NLGN4X: variants seen among roughly 807,000 people sequenced by gnomAD.
NLGN4X encodes the protein neuroligin 4 X-linked.
Under a neutral mutation model 40.3 loss-of-function variants are expected in NLGN4X, and 3 were observed. The observed-to-expected ratio is 0.07, with a 90% CI of 0.03 to 0.19. NLGN4X has a LOEUF of 0.19. Ranked by LOEUF, NLGN4X falls within the 10% of genes least tolerant of loss-of-function variation. The pLI, the probability that NLGN4X is intolerant of heterozygous loss-of-function variation, is 1.00. For synonymous variants in NLGN4X, 270 were observed against 306.8 expected (o/e 0.88, Z 1.25); for missense variants, 382 against 708.3 (o/e 0.54, Z 5.23).
rs559550611 is a variant in NLGN4X at position 6,111,902 on chromosome X, A to T, written c.472+39093T>A. ...CTCTTAAAGATGAAATATTGTAAAA[A>T]TTTTTTAAATATTCAGGGTAGCAAA... is the stretch of plus-strand genomic sequence containing the variant. On this transcript the variant is annotated intron_variant, in intron 2 of 5. Transcript: ENST00000381095. Among the ~76,000 whole-genome samples the T allele has an allele frequency of 8.0e-5, 9 of 111,997 alleles. 1 individual carries two copies. The East Asian group carries it at 2.5e-3, about 31-fold the overall frequency.
chrX:5,997,593 T>C (rs6639563), intron 3 of NLGN4X, among the ~76,000 whole-genome samples: 2 of 49,784 alleles, frequency 4.0e-5, no homozygotes, highest in Non-Finnish European at 7.1e-5. Flanking sequence ...TGTGTATATA[T>C]ATATACACAT....
At chrX:6,047,890 G>A (rs1279359955) in intron 2 of NLGN4X, among the ~76,000 whole-genome samples, 3 of 111,711 alleles carry the variant, frequency 2.7e-5, no homozygotes, top group East Asian at 2.8e-4. Context: ...TGACTTGGAT[G>A]TAGGCCTCTT....
chrX:6,093,963 T>C (rs2038699737), intron 2 of NLGN4X, among the ~76,000 whole-genome samples: 1 of 111,982 alleles, frequency 8.9e-6, no homozygotes, highest in Non-Finnish European at 1.9e-5. Context: ...AGAAACCTAT[T>C]TTCAATTTTA....
chrX:6,169,313 T>C (rs1158676977), intron 1 of NLGN4X, among the ~76,000 whole-genome samples: 1 of 112,892 alleles, frequency 8.9e-6, no homozygotes, highest in Non-Finnish European at 1.9e-5. Flanking sequence ...CACAAAGAAC[T>C]ACACCCTGAG....
intron 3 of NLGN4X, among the ~76,000 whole-genome samples, chrX:5,970,982 T>C (rs2035005788): frequency 9.0e-6 from 1 of 111,727 alleles, no homozygotes; most frequent in South Asian, 3.8e-4. Context: ...TCGGTATAGA[T>C]ACTGTTTAAA....
At chrX:5,979,793 T>C (rs755507381) in intron 3 of NLGN4X, among the ~76,000 whole-genome samples, 1 of 101,395 alleles carries the variant, frequency 9.9e-6, no homozygotes, top group Non-Finnish European at 1.9e-5. Flanking sequence ...TGTGTATATA[T>C]ACACACATAC....
intron 1 of NLGN4X, among the ~76,000 whole-genome samples, chrX:6,184,879 T>C (rs1421795277): frequency 8.9e-6 from 1 of 112,297 alleles, no homozygotes; most frequent in African/African-American, 3.2e-5. Flanking sequence ...GAATGGCGCC[T>C]TCTGAGAGTT....
intron 3 of NLGN4X, among the ~76,000 whole-genome samples, chrX:5,925,414 A>G (rs757039896): frequency 9.0e-6 from 1 of 111,659 alleles, no homozygotes; most frequent in African/African-American, 3.2e-5. Flanking sequence ...TTAATTCCTT[A>G]TGGAAATCAA....
At chrX:5,905,487 A>G (rs1447297688) in intron 4 of NLGN4X, among the ~76,000 whole-genome samples, 1 of 111,920 alleles carries the variant, frequency 8.9e-6, no homozygotes, top group African/African-American at 3.2e-5. Context: ...TAAATTCTTA[A>G]ATTATTATTG....
intron 2 of NLGN4X, among the ~76,000 whole-genome samples, chrX:6,035,765 G>A (rs1226723639): frequency 4.5e-5 from 5 of 111,411 alleles, no homozygotes; most frequent in Non-Finnish European, 9.4e-5. Context: ...GTCCTCCTCA[G>A]CCTATTCAAC....
At chrX:6,108,798 C>T (rs767304187) in intron 2 of NLGN4X, among the ~76,000 whole-genome samples, 11 of 110,848 alleles carry the variant, frequency 9.9e-5, no homozygotes, top group African/African-American at 3.3e-4. Flanking sequence ...TCAATCCCTG[C>T]TCATCTCTCA....
chrX:6,054,007 G>A (rs765404149), intron 2 of NLGN4X, among the ~76,000 whole-genome samples: 2 of 112,115 alleles, frequency 1.8e-5, no homozygotes, highest in South Asian at 3.7e-4. Context: ...CTACAATCAC[G>A]AAAGCACAGC....
intron 2 of NLGN4X, among the ~76,000 whole-genome samples, chrX:6,051,036 T>C (rs2037479564): frequency 9.0e-6 from 1 of 111,515 alleles, no homozygotes; most frequent in Non-Finnish European, 1.9e-5. Flanking sequence ...GGGCAAAGCT[T>C]GACGGGGTGT....
intron 5 of NLGN4X, among the ~76,000 whole-genome samples, chrX:5,897,561 C>G (rs2031569922): frequency 1.8e-5 from 2 of 111,896 alleles, no homozygotes; most frequent in South Asian, 3.7e-4. Flanking sequence ...GTCCTCTGAC[C>G]TGGACTAACA....
rs1356905320 is a variant in NLGN4X at position 5,963,772 on chromosome X, G to GTTC, written c.626-54536_626-54534dup. Among the ~76,000 whole-genome samples the GTTC allele has an allele frequency of 3.6e-5, 4 of 112,176 alleles. No homozygotes were observed. In the Admixed American group the frequency reaches 3.8e-4, roughly 11 times the overall value. On this transcript the variant is annotated intron_variant, in intron 3 of 5. Coordinates refer to ENST00000381095, the MANE Select transcript of NLGN4X (RefSeq NM_181332.3). Reference sequence around the variant, plus strand: ...CCAGAACATTCAACTTTGCAGAGATGTTCTCTTCACTAATTTTTAACTATT... The same window carrying GTTC: ...CCAGAACATTCAACTTTGCAGAGATGTTCTTCTCTTCACTAATTTTTAACTATT...
chrX:6,021,824 A>G (rs1052359664), intron 3 of NLGN4X, among the ~76,000 whole-genome samples: 1 of 109,918 alleles, frequency 9.1e-6, no homozygotes, highest in African/African-American at 3.3e-5. Context: ...ATCTTCTGCA[A>G]TGTGTTCACT....
At position 6,161,741 on chromosome X, in the gene NLGN4X, T is replaced by A. The variant is rs750231380; in HGVS notation, c.-305-9970A>T. On this transcript the variant is annotated intron_variant, in intron 1 of 5. Transcript: ENST00000381095. ...GAGCTTAATATTTCAGTTGGTTAGTTTGCAGAAATATTTATATATAAATAC... is the reference window on the plus strand; with the variant it reads ...GAGCTTAATATTTCAGTTGGTTAGTATGCAGAAATATTTATATATAAATAC... Among the ~76,000 whole-genome samples, 353 of 109,665 alleles carry A rather than the reference T, an allele frequency of 3.2e-3. 2 individuals carry two copies. The highest frequency in any genetic ancestry group is 5.5e-3 in the Non-Finnish European group (292 of 52,731).
At chrX:5,915,150 G>C (rs1407188901) in intron 3 of NLGN4X, among the ~76,000 whole-genome samples, 2 of 112,241 alleles carry the variant, frequency 1.8e-5, no homozygotes, top group African/African-American at 6.5e-5. Context: ...CAGCAGTATT[G>C]CACAGAACCA....
chrX:6,144,092 G>T (rs1402005178), intron 2 of NLGN4X, among the ~76,000 whole-genome samples: 2 of 111,472 alleles, frequency 1.8e-5, no homozygotes, highest in Non-Finnish European at 3.8e-5. Context: ...ATGGGCCACA[G>T]TGCAAGACCC....
Sources: gnomAD v4.1 joint callset for allele counts (sites outside exome capture counted in the v4.1 genomes callset) on GRCh38, gnomAD v4.1.1 for gene constraint, MANE v1.5 for transcripts, NCBI Gene and HGNC (gene_info 2026-07-23, HGNC 2026-07-21) for gene names.